ZBBX: variants seen among roughly 807,000 people sequenced by gnomAD.
ZBBX encodes the protein zinc finger B-box domain containing.
In ZBBX, 101 loss-of-function variants were observed where a neutral mutation model predicts 108.5. The ratio of observed to expected loss-of-function variants is 0.93; its 90% confidence interval spans 0.79 to 1.10. The LOEUF (loss-of-function observed/expected upper bound fraction) is 1.10. ZBBX is among the 50% of genes least tolerant of loss of function. ZBBX has a pLI of 0.00. For synonymous variants in ZBBX, 356 were observed against 323.4 expected (o/e 1.10, Z -1.08); for missense variants, 1,009 against 941.4 (o/e 1.07, Z -0.94).
At chr3:167,370,435 AAC>A (rs763159388) in intron 4 of ZBBX, among the ~76,000 whole-genome samples, 2 of 152,192 alleles carry the variant, frequency 1.3e-5, no homozygotes, top group Non-Finnish European at 2.9e-5. Flanking sequence ...CAGGATGAGT[AAC>A]AGTTTATCTC....
intron 1 of ZBBX, among the ~76,000 whole-genome samples, chr3:167,398,626 C>T (rs1343587763): frequency 6.6e-6 from 1 of 151,482 alleles, no homozygotes; most frequent in African/African-American, 2.4e-5. Flanking sequence ...GGATTTATTA[C>T]CTAAAGAATT....
At chr3:167,236,384 T>G (rs1194151361), downstream of ZBBX, among the ~76,000 whole-genome samples, 2 of 151,740 alleles carry the variant, frequency 1.3e-5, no homozygotes, top group Non-Finnish European at 3.0e-5. Context: ...TATTCAAAGA[T>G]TACAGCATAA....
chr3:167,344,349 T>C (rs61678976), intron 9 of ZBBX, among the ~76,000 whole-genome samples: 1 of 151,882 alleles, frequency 6.6e-6, no homozygotes, highest in Non-Finnish European at 1.5e-5. Context: ...TTCAAATGAA[T>C]GAATTGTGTG....
chr3:167,243,198 A>G (rs1720977912), intron 20 of ZBBX, among the ~76,000 whole-genome samples: 1 of 152,232 alleles, frequency 6.6e-6, no homozygotes, highest in African/African-American at 2.4e-5. Flanking sequence ...AAATACTGCA[A>G]GTTAAACAAA....
intron 8 of ZBBX, among the ~76,000 whole-genome samples, chr3:167,357,381 T>C (rs1743755580): frequency 6.6e-6 from 1 of 152,126 alleles, no homozygotes. Context: ...TTGACCATTG[T>C]ATATGAGAAT....
At chr3:167,293,260 C>T (rs1731034977) in intron 18 of ZBBX, among the ~76,000 whole-genome samples, 1 of 152,126 alleles carries the variant, frequency 6.6e-6, no homozygotes, top group African/African-American at 2.4e-5. Flanking sequence ...AAGAAAATTT[C>T]AGGCCAATAT....
intron 16 of ZBBX, among the ~76,000 whole-genome samples, chr3:167,308,266 T>A (rs968296312): frequency 8.5e-5 from 13 of 152,082 alleles, no homozygotes; most frequent in African/African-American, 3.1e-4. Context: ...AGATACCATC[T>A]CACACCAGTC....
rs377458595 is a variant in ZBBX, at chr3:167,305,574, T to C, written c.1725+69A>G. 1.4e-5 allele frequency: 16 copies of C among 1,176,248 alleles called. No individual in the cohort carries two copies. The African/African-American group carries it at 2.4e-4, about 17-fold the overall frequency. The allele number at this position is 1,176,248 out of a possible 1,614,324, so 72.9% of individuals were successfully genotyped here. On this transcript the variant is annotated intron_variant, in intron 17 of 21. Transcript: ENST00000675490. ...TAGGAAGTAACTTGAGAATGTATTGTGTCACTAAGACATTTTCTTATGAGG... is the reference window on the plus strand; with the variant it reads ...TAGGAAGTAACTTGAGAATGTATTGCGTCACTAAGACATTTTCTTATGAGG...
At chr3:167,315,633 C>T in intron 15 of ZBBX, 117 bp downstream of exon 15, 1 of 692,956 alleles carries the variant, frequency 1.4e-6, no homozygotes, top group Non-Finnish European at 2.5e-6. Context: ...TATACTCTGA[C>T]ATTAATGTCA....
At chr3:167,390,413 G>T (rs1351972343) in intron 1 of ZBBX, among the ~76,000 whole-genome samples, 1 of 151,840 alleles carries the variant, frequency 6.6e-6, no homozygotes, top group Non-Finnish European at 1.5e-5. Flanking sequence ...AAGTCAGGTA[G>T]TGTGATGTCT....
chr3:167,323,240 G>GC (rs966833369), intron 11 of ZBBX, among the ~76,000 whole-genome samples: 1 of 71,530 alleles, frequency 1.4e-5, no homozygotes, highest in Admixed American at 1.8e-4. Context: ...GCTAAAAGAG[G>GC]GGGGGGGGGG....
the ZBBX span, among the ~76,000 whole-genome samples, chr3:167,182,122 A>AT: frequency 4.6e-5 from 7 of 151,974 alleles, no homozygotes; most frequent in East Asian, 3.9e-4. Flanking sequence ...TGACTCGCTG[A>AT]TTTTTTTTAC....
chr3:167,293,574 C>A (rs958449118), intron 18 of ZBBX, among the ~76,000 whole-genome samples: 1 of 152,120 alleles, frequency 6.6e-6, no homozygotes, highest in Non-Finnish European at 1.5e-5. Context: ...TTATGACAAA[C>A]CCACAGCCAA....
At chr3:167,314,244 T>C (rs1735067530) in intron 15 of ZBBX, 128 bp from the exon 16 acceptor site, 1 of 700,664 alleles carries the variant, frequency 1.4e-6, no homozygotes, top group Non-Finnish European at 2.1e-6. Flanking sequence ...ATTAATTTAA[T>C]ATTTATTTTA....
chr3:167,373,861 G>A (rs1279166599), intron 2 of ZBBX, 74 bp from the exon 3 acceptor site: 1 of 152,088 alleles, frequency 6.6e-6, no homozygotes, highest in Non-Finnish European at 1.5e-5. Context: ...GCACACAAGT[G>A]TAACTATTAT....
chr3:167,318,685 A>T (rs1481950401), intron 12 of ZBBX, among the ~76,000 whole-genome samples: 2 of 152,018 alleles, frequency 1.3e-5, no homozygotes, highest in Non-Finnish European at 2.9e-5. Context: ...ACTGTTACAC[A>T]TATCCTCATT....
At chr3:167,295,744 T>A (rs1731555642) in intron 18 of ZBBX, among the ~76,000 whole-genome samples, 8 of 18,380 alleles carry the variant, frequency 4.4e-4, no homozygotes, top group East Asian at 2.7e-3. Flanking sequence ...TATATATATA[T>A]ATATATATAT....
intron 18 of ZBBX, among the ~76,000 whole-genome samples, chr3:167,297,053 A>C (rs992833415): frequency 6.6e-6 from 1 of 152,056 alleles, no homozygotes; most frequent in Non-Finnish European, 1.5e-5. Flanking sequence ...TGGGATAAAC[A>C]ACCCAGAAAT....
intron 1 of ZBBX, among the ~76,000 whole-genome samples, chr3:167,390,933 G>A (rs1459803410): frequency 1.3e-5 from 2 of 151,938 alleles, no homozygotes; most frequent in African/African-American, 2.4e-5. Context: ...ATCTGCAAAT[G>A]AAGATAATTT....
Sources: allele counts gnomAD v4.1 joint callset (sites outside exome capture counted in the v4.1 genomes callset), GRCh38; gene constraint gnomAD v4.1.1; transcripts MANE v1.5; gene names NCBI Gene and HGNC (gene_info 2026-07-23, HGNC 2026-07-21).